The following RAI14 variants were observed in gnomAD, a reference collection of about 807,000 sequenced individuals.
RAI14 encodes retinoic acid induced 14.
In RAI14, 45 loss-of-function variants were observed where a neutral mutation model predicts 115.4. The ratio of observed to expected loss-of-function variants is 0.39; its 90% CI spans 0.31 to 0.50. RAI14 has a LOEUF of 0.50. Ranked by LOEUF, RAI14 falls within the 20% of genes least tolerant of loss-of-function variation. The probability of loss-of-function intolerance (pLI) is 0.85; values close to 1 mark genes in which losing one functional copy is unlikely to be tolerated. For synonymous variants in RAI14, 371 were observed against 415.4 expected (o/e 0.89, Z 1.30); for missense variants, 939 against 1,131.2 (o/e 0.83, Z 2.44).
chr5:34,708,900 T>C (rs373349462), intron 2 of RAI14, among the ~76,000 whole-genome samples: 2 of 152,070 alleles, frequency 1.3e-5, no homozygotes, highest in East Asian at 3.9e-4. Flanking sequence ...CCCATATCTT[T>C]GGGAGGCTAA....
chr5:34,825,630 A>G (rs1757360214), intron 15 of RAI14, among the ~76,000 whole-genome samples: 1 of 152,012 alleles, frequency 6.6e-6, no homozygotes, highest in Non-Finnish European at 1.5e-5. Context: ...GCAATTTGAG[A>G]TGGCGCTGGA....
chr5:34,665,031 A>ATG lies in RAI14; in HGVS notation c.-49+8558_-49+8559dup, dbSNP rs371181547. Among the ~76,000 whole-genome samples the ATG allele has an allele frequency of 1.7e-3, 52 of 31,434 alleles. 5 individuals carry two copies. The highest frequency in any genetic ancestry group is 2.4e-3 in the Admixed American group (4 of 1,682). The allele number at this position is 31,434 out of a possible 152,430, so 20.6% of individuals were successfully genotyped here. On this transcript the variant is annotated intron_variant, in intron 1 of 17. Transcript: ENST00000265109. Reference sequence around the variant, plus strand: ...TATATATATATATGTGTATATATATATGTATATATATGTGTATATATATGT... The same window carrying ATG: ...TATATATATATATGTGTATATATATATGTGTATATATATGTGTATATATATGT...
At chr5:34,703,371 A>T (rs1292175410) in intron 2 of RAI14, among the ~76,000 whole-genome samples, 3 of 152,222 alleles carry the variant, frequency 2.0e-5, no homozygotes, top group Non-Finnish European at 4.4e-5. Flanking sequence ...TTAAGTAAAA[A>T]TTTGTTGAGT....
At chr5:34,730,511 A>G (rs1413929181) in intron 2 of RAI14, among the ~76,000 whole-genome samples, 1 of 151,986 alleles carries the variant, frequency 6.6e-6, no homozygotes, top group Non-Finnish European at 1.5e-5. Context: ...CCCCGTCTCT[A>G]CTAAAAATAC....
intron 4 of RAI14, among the ~76,000 whole-genome samples, chr5:34,798,121 C>T (rs575713395): frequency 9.2e-5 from 14 of 152,212 alleles, no homozygotes; most frequent in East Asian, 1.9e-4. Context: ...CTGCAACCTC[C>T]GCATCCCAGG....
chr5:34,764,508 G>A (rs1330490532), intron 3 of RAI14, among the ~76,000 whole-genome samples: 1 of 151,844 alleles, frequency 6.6e-6, no homozygotes, highest in Non-Finnish European at 1.5e-5. Flanking sequence ...TAGGTAGGCT[G>A]AGGAAGGCCC....
Position 34,827,369 on chromosome 5 carries a change from A to G in RAI14, c.2799+890A>G, listed in dbSNP as rs777053414. On this transcript the variant is annotated intron_variant, in intron 16 of 17. Coordinates refer to ENST00000265109, the MANE Select transcript of RAI14 (RefSeq NM_015577.3). The surrounding 1 kb of genome is among the most constrained non-coding windows in gnomAD (Gnocchi z 4.2). ...AGTTTAACATTCACAGGTTCTGGGG[A>G]TTAGGATGTGGACATCTTTCAAGAG... Among the ~76,000 whole-genome samples the G allele has an allele frequency of 2.0e-5, 3 of 152,132 alleles. No individual in the cohort carries two copies. The highest frequency in any genetic ancestry group is 4.1e-4 in the South Asian group (2 of 4,822).
chr5:34,688,445 A>C (rs1218762140), intron 2 of RAI14: 2 of 462,040 alleles, frequency 4.3e-6, no homozygotes, highest in African/African-American at 4.0e-5. Context: ...AATGATAGGC[A>C]CATAAACTTT....
intron 2 of RAI14, among the ~76,000 whole-genome samples, chr5:34,728,336 T>C (rs555133521): frequency 1.3e-5 from 2 of 152,154 alleles, no homozygotes; most frequent in East Asian, 1.9e-4. Context: ...GAAGGCATGA[T>C]TGGTTTTGAA....
At chr5:34,657,548 G>T (rs1348256921) in intron 1 of RAI14, among the ~76,000 whole-genome samples, 4 of 152,156 alleles carry the variant, frequency 2.6e-5, no homozygotes, top group Non-Finnish European at 5.9e-5. Context: ...ATGTTGAGGG[G>T]AATCTGCGGA....
intron 4 of RAI14, among the ~76,000 whole-genome samples, chr5:34,801,568 C>T (rs1754262247): frequency 6.6e-6 from 1 of 151,960 alleles, no homozygotes; most frequent in Non-Finnish European, 1.5e-5. Context: ...ATGGTGAAAC[C>T]CCATCTCTAC....
rs990217575 is a variant in RAI14, at chr5:34,823,553, C to T, written c.1711C>T (p.Pro571Ser). Reference protein sequence around the residue: ...VEREKGTVIKPPVEEYEEMKS... With the variant: ...VEREKGTVIKSPVEEYEEMKS... ...GAGGGAGAAAGGTACAGTGATTAAGCCACCTGTGGAAGAGTACGAGGAAAT... is the reference window on the plus strand; with the variant it reads ...GAGGGAGAAAGGTACAGTGATTAAGTCACCTGTGGAAGAGTACGAGGAAAT... The change falls in exon 15 of 18, where the codon CCA becomes TCA. Residue 571 changes from proline to serine, a missense_variant. Physicochemically the swap from Pro to Ser is moderately conservative, Grantham distance 74. Transcript: ENST00000265109. The surrounding 1 kb of genome is among the most constrained non-coding windows in gnomAD (Gnocchi z 4.5). 11 of 1,614,014 alleles carry T rather than the reference C, an allele frequency of 6.8e-6. No individual in the cohort carries two copies. The highest frequency in any genetic ancestry group is 8.5e-6 in the Non-Finnish European group (10 of 1,180,024).
chr5:34,755,029 A>G (rs920498999), intron 2 of RAI14, among the ~76,000 whole-genome samples: 2 of 151,520 alleles, frequency 1.3e-5, no homozygotes, highest in African/African-American at 4.8e-5. Context: ...AAGGATTTGG[A>G]AAAACAATAC....
At chr5:34,721,192 C>T (rs1443790469) in intron 2 of RAI14, among the ~76,000 whole-genome samples, 2 of 151,030 alleles carry the variant, frequency 1.3e-5, no homozygotes, top group Non-Finnish European at 2.9e-5. Context: ...CCGTTGTTGT[C>T]CATAGATATT....
rs1237595070 is a variant in RAI14 at position 34,791,692 on chromosome 5, T to C, written c.168-4247T>C. On this transcript the variant is annotated intron_variant, in intron 3 of 17. Coordinates refer to ENST00000265109, the MANE Select transcript of RAI14 (RefSeq NM_015577.3). This position sits in a 1 kb window ranked among gnomAD's most constrained non-coding sequence, Gnocchi z 5.4. The stretch of plus-strand genomic sequence containing the variant: ...TTAAGAAAGGAACTATTTACAAATA[T>C]GTGGCCAGATTAGGGGAAACCAGTA... 4.6e-5 allele frequency among the ~76,000 whole-genome samples: 7 copies of C among 152,176 alleles called. No homozygotes were observed. The highest frequency in any genetic ancestry group is 3.3e-4 in the Admixed American group (5 of 15,280).
intron 4 of RAI14, among the ~76,000 whole-genome samples, chr5:34,801,753 T>C (rs1456126409): frequency 2.0e-5 from 3 of 151,708 alleles, no homozygotes; most frequent in Non-Finnish European, 2.9e-5. Context: ...AAAAAGGTAT[T>C]TGGGGCCTGG....
chr5:34,747,004 C>G (rs964557658), intron 2 of RAI14, among the ~76,000 whole-genome samples: 29 of 152,290 alleles, frequency 1.9e-4, no homozygotes, highest in African/African-American at 6.7e-4. Flanking sequence ...GTAAGAAGTG[C>G]CTTTTGCCTC....
chr5:34,717,394 T>A (rs1221722445), intron 2 of RAI14, among the ~76,000 whole-genome samples: 3 of 152,228 alleles, frequency 2.0e-5, no homozygotes, highest in Non-Finnish European at 4.4e-5. Context: ...TGGATGCAAT[T>A]TTAATACAAT....
chr5:34,790,767 CATATAT>C (rs4001958), intron 3 of RAI14, among the ~76,000 whole-genome samples: 9 of 144,884 alleles, frequency 6.2e-5, no homozygotes, highest in African/African-American at 2.3e-4. Context: ...TGTATATATA[CATATAT>C]ATATATATAT....
Sources: allele counts gnomAD v4.1 joint callset (sites outside exome capture counted in the v4.1 genomes callset), GRCh38; gene constraint gnomAD v4.1.1; non-coding constraint Gnocchi (gnomAD v3.1); transcripts MANE v1.5; gene names NCBI Gene and HGNC (gene_info 2026-07-23, HGNC 2026-07-21).